The following PDE4D variants were observed in gnomAD, a reference collection of about 807,000 sequenced individuals.
PDE4D encodes 3',5'-cyclic-AMP phosphodiesterase 4D.
In PDE4D, 24 loss-of-function variants were observed where a neutral mutation model predicts 87.4. That is an observed-to-expected ratio of 0.27 (90% CI 0.20 to 0.39). The LOEUF (loss-of-function observed/expected upper bound fraction) is 0.39, where lower values mean the gene tolerates loss of function less well. Among genes scored for constraint, PDE4D ranks in the 10% least tolerant of loss-of-function variants. PDE4D has a pLI of 1.00. For missense variants in PDE4D, 714 were observed against 1,041.0 expected, an observed-to-expected ratio of 0.69 and a Z score of 4.32; for synonymous variants, 384 against 383.2, an observed-to-expected ratio of 1.00 and a Z score of -0.02.
chr5:60,138,916 G>T (rs1289922037), intron 2 of PDE4D, among the ~76,000 whole-genome samples: 1 of 152,054 alleles, frequency 6.6e-6, no homozygotes, highest in African/African-American at 2.4e-5. Flanking sequence ...GTGAAATTGT[G>T]TCATAAAGGG....
chr5:60,435,541 G>T (rs1425605759), intron 1 of PDE4D, among the ~76,000 whole-genome samples: 1 of 152,026 alleles, frequency 6.6e-6, no homozygotes, highest in Non-Finnish European at 1.5e-5. Context: ...TCTTTGCTTA[G>T]AAGTCTATGG....
intron 1 of PDE4D, among the ~76,000 whole-genome samples, chr5:60,504,718 A>G (rs538951519): frequency 3.3e-5 from 5 of 152,340 alleles, no homozygotes; most frequent in African/African-American, 1.2e-4. Flanking sequence ...TGTATTTGAC[A>G]TTAAAATTGA....
chr5:60,227,729 A>G lies in PDE4D; in HGVS notation c.-89-42042T>C, dbSNP rs113431432. Among the ~76,000 whole-genome samples the G allele has an allele frequency of 1.5e-3, 227 of 152,186 alleles. 2 individuals carry two copies. The highest frequency in any genetic ancestry group is 5.2e-3 in the African/African-American group (217 of 41,528). ...TTTGCACATTCACTCTTGGCCTCTT[A>G]AATTGGTTCTCCACACAAAGGATAG... On this transcript the variant is annotated intron_variant, in intron 1 of 16. Transcript: ENST00000502484.
intron 1 of PDE4D, among the ~76,000 whole-genome samples, chr5:59,724,502 G>T (rs139536959): frequency 1.6e-4 from 24 of 152,148 alleles, no homozygotes; most frequent in African/African-American, 5.5e-4. Flanking sequence ...TGAGAAAGAT[G>T]ATTTTCAAGC....
At chr5:59,575,584 T>C (rs1297669023) in intron 1 of PDE4D, among the ~76,000 whole-genome samples, 4 of 152,172 alleles carry the variant, frequency 2.6e-5, no homozygotes, top group Admixed American at 6.5e-5. Context: ...TCAAGATATG[T>C]GGGAATTATT....
chr5:59,300,111 C>CAAAA (rs58771016), intron 1 of PDE4D, among the ~76,000 whole-genome samples: 13 of 48,750 alleles, frequency 2.7e-4, no homozygotes, highest in African/African-American at 3.7e-4. Context: ...GGGTCTGTCT[C>CAAAA]AAAAAAAAAA....
intron 2 of PDE4D, among the ~76,000 whole-genome samples, chr5:60,053,546 T>C (rs1386904807): frequency 1.3e-5 from 2 of 152,122 alleles, no homozygotes; most frequent in Non-Finnish European, 2.9e-5. Context: ...TAACTCAAGA[T>C]GGATTAAAGA....
intron 5 of PDE4D, among the ~76,000 whole-genome samples, chr5:59,155,177 T>C (rs1446684810): frequency 6.6e-6 from 1 of 152,084 alleles, no homozygotes; most frequent in Non-Finnish European, 1.5e-5. Context: ...CATGAAAACA[T>C]CTACAGAGTA....
chr5:58,997,821 T>C (rs893830535), intron 6 of PDE4D, among the ~76,000 whole-genome samples: 8 of 152,142 alleles, frequency 5.3e-5, no homozygotes, highest in Non-Finnish European at 7.4e-5. Context: ...GAACTGCAAT[T>C]CTTCAATTTA....
intron 1 of PDE4D, among the ~76,000 whole-genome samples, chr5:60,260,382 C>A (rs1293583940): frequency 6.6e-6 from 1 of 151,968 alleles, no homozygotes; most frequent in East Asian, 1.9e-4. Context: ...CCCTGTCACA[C>A]TTTTTATTTT....
intron 3 of PDE4D, among the ~76,000 whole-genome samples, chr5:59,935,096 G>A (rs2152792842): frequency 6.6e-6 from 1 of 152,222 alleles, no homozygotes; most frequent in Middle Eastern, 3.4e-3. Flanking sequence ...TGAGTTTAAA[G>A]GGCTGTGAGG....
intron 1 of PDE4D, among the ~76,000 whole-genome samples, chr5:60,380,666 G>A (rs542795656): frequency 2.9e-4 from 44 of 152,294 alleles, no homozygotes; most frequent in African/African-American, 1.0e-3. Context: ...TTAGCGCAGC[G>A]TAACATCCTA....
At chr5:59,620,849 G>A (rs1830266108) in intron 1 of PDE4D, among the ~76,000 whole-genome samples, 1 of 152,168 alleles carries the variant, frequency 6.6e-6, no homozygotes, top group African/African-American at 2.4e-5. Flanking sequence ...GTATTGAGAT[G>A]AAGAGAATGG....
intron 1 of PDE4D, among the ~76,000 whole-genome samples, chr5:60,410,793 C>G (rs927287646): frequency 1.1e-4 from 17 of 152,184 alleles, no homozygotes; most frequent in Non-Finnish European, 2.5e-4. Flanking sequence ...CAGGTATTGC[C>G]TCCATGTCCT....
intron 1 of PDE4D, among the ~76,000 whole-genome samples, chr5:59,814,179 T>C (rs1768708119): frequency 6.6e-6 from 1 of 152,228 alleles, no homozygotes; most frequent in Non-Finnish European, 1.5e-5. Flanking sequence ...TGGGCTCCTT[T>C]ATTTATAAAA....
intron 1 of PDE4D, among the ~76,000 whole-genome samples, chr5:60,406,666 T>A (rs1741561232): frequency 6.6e-6 from 1 of 152,198 alleles, no homozygotes; most frequent in African/African-American, 2.4e-5. Flanking sequence ...CCCAAAATAG[T>A]AATATTACAA....
Position 59,687,382 on chromosome 5 carries a change from G to A in PDE4D, c.455+205786C>T, listed in dbSNP as rs1188278885. On this transcript the variant is annotated intron_variant, in intron 1 of 14. Transcript: ENST00000340635. The stretch of plus-strand genomic sequence containing the variant: ...CCATCAGACTAACAGCTGATCCCTC[G>A]GCAGAAACTCTACAAACCAGAAGAG... Among the ~76,000 whole-genome samples the A allele has an allele frequency of 2.6e-5, 4 of 152,058 alleles. 1 individual carries two copies. The South Asian group carries it at 6.2e-4, about 24-fold the overall frequency.
chr5:60,501,819 C>T (rs1445577647), intron 1 of PDE4D, among the ~76,000 whole-genome samples: 6 of 152,100 alleles, frequency 3.9e-5, no homozygotes, highest in Admixed American at 1.3e-4. Context: ...AGTGTCTGTT[C>T]GTGTCCTTCG....
At chr5:60,237,233 A>C (rs1420974251) in intron 1 of PDE4D, among the ~76,000 whole-genome samples, 1 of 151,966 alleles carries the variant, frequency 6.6e-6, no homozygotes, top group African/African-American at 2.4e-5. Flanking sequence ...TTCTTTAAAA[A>C]CTAAATATGC....
Sources: allele counts gnomAD v4.1 joint callset (sites outside exome capture counted in the v4.1 genomes callset), GRCh38; gene constraint gnomAD v4.1.1; transcripts MANE v1.5; gene names NCBI Gene and HGNC (gene_info 2026-07-23, HGNC 2026-07-21).